The following WIPF1 variants were observed in gnomAD, a reference collection of about 807,000 sequenced individuals.
The protein encoded by WIPF1 is WAS/WASL interacting protein family member 1, also known as WAS/WASL-interacting protein family member 1.
A neutral mutation model predicts 35.4 loss-of-function variants in WIPF1; 13 were observed. The observed-to-expected ratio is 0.37, with a 90% confidence interval of 0.24 to 0.58. WIPF1 has a LOEUF of 0.58. Among genes scored for constraint, WIPF1 ranks in the 20% least tolerant of loss-of-function variants. WIPF1 has a pLI of 0.74. For missense variants in WIPF1, 591 were observed against 667.0 expected (o/e 0.89, Z 1.25); for synonymous variants, 267 against 266.3 (o/e 1.00, Z -0.02).
At chr2:174,569,689 T>C (rs1183943264) in intron 5 of WIPF1, among the ~76,000 whole-genome samples, 1 of 152,190 alleles carries the variant, frequency 6.6e-6, no homozygotes, top group East Asian at 1.9e-4. Flanking sequence ...GGAAATAAGA[T>C]AACCACTATA....
intron 1 of WIPF1, among the ~76,000 whole-genome samples, chr2:174,646,276 C>T (rs1687407841): frequency 6.6e-6 from 1 of 152,156 alleles, no homozygotes; most frequent in Non-Finnish European, 1.5e-5. Flanking sequence ...GCATCCCTCT[C>T]CTCCATATTT....
chr2:174,664,160 G>C (rs1403326995), intron 1 of WIPF1, among the ~76,000 whole-genome samples: 2 of 152,134 alleles, frequency 1.3e-5, no homozygotes, highest in Non-Finnish European at 1.5e-5. Flanking sequence ...CACACCCCAA[G>C]TGCTTGAATG....
At chr2:174,624,423 A>C (rs1686766732) in intron 1 of WIPF1, among the ~76,000 whole-genome samples, 1 of 152,178 alleles carries the variant, frequency 6.6e-6, no homozygotes, top group African/African-American at 2.4e-5. Context: ...TCTTCTCGCT[A>C]GTGAAAAACA....
intron 1 of WIPF1, among the ~76,000 whole-genome samples, chr2:174,661,760 G>A (rs1687764613): frequency 6.6e-6 from 1 of 152,138 alleles, no homozygotes; most frequent in Non-Finnish European, 1.5e-5. Flanking sequence ...ATAAATGTTT[G>A]TTGAATGAAT....
At chr2:174,624,335 T>C (rs1686763475) in intron 1 of WIPF1, among the ~76,000 whole-genome samples, 1 of 152,182 alleles carries the variant, frequency 6.6e-6, no homozygotes, top group Non-Finnish European at 1.5e-5. Context: ...TCTGAAAACA[T>C]TAATCAAAGT....
chr2:174,581,471 C>A (rs1453544156), intron 2 of WIPF1, 32 bp from the exon 3 acceptor site: 2 of 1,608,442 alleles, frequency 1.2e-6, no homozygotes, highest in East Asian at 4.5e-5. Flanking sequence ...AAGTAGTCAT[C>A]TCTTGGGTTA....
chr2:174,566,979 C>G lies in WIPF1; in HGVS notation c.1456+91G>C, dbSNP rs2163236. ...GCTCCAAAGGGTTCTCTACCCCACT[C>G]CAGGCAAGAAGCCTGGACTTTCTAT... On this transcript the variant is annotated intron_variant, in intron 7 of 7. Transcript: ENST00000679041. 0.52 allele frequency: 664,307 copies of G among 1,281,682 alleles called. 177,513 individuals carry two copies. Among genetic ancestry groups the G allele is most frequent in the East Asian group, 0.86 (36,048 of 42,084 alleles). 79.4% of individuals were successfully genotyped at this position (1,281,682 alleles called of 1,614,324 possible).
chr2:174,614,432 G>A (rs1040420508), intron 1 of WIPF1, among the ~76,000 whole-genome samples: 1 of 152,126 alleles, frequency 6.6e-6, no homozygotes, highest in Non-Finnish European at 1.5e-5. Flanking sequence ...TAAACGTCTG[G>A]GAATGTTTTC....
At position 174,567,898 on chromosome 2, in the gene WIPF1, T is replaced by A; in HGVS notation, c.1305A>T (p.Thr435=). The part of the protein sequence containing the change: ...AGAPPPPPPS[T]SIRNGFQDSP... ...AGTCTTGGAAGCCATTTCTAATAGA[T>A]GTTGATGGTGGAGGTGGGGGAGGTG... The change falls in exon 6 of 8, where the codon ACA becomes ACT. Residue 435 remains threonine (T), a synonymous_variant. Coordinates refer to ENST00000679041, the MANE Select transcript of WIPF1 (RefSeq NM_001375834.1). The A allele has an allele frequency of 6.2e-7, 1 of 1,610,272 alleles. No homozygotes were observed. The highest frequency in any genetic ancestry group is 8.5e-7 in the Non-Finnish European group (1 of 1,177,972).
At chr2:174,616,548 T>C (rs1046858556) in intron 1 of WIPF1, among the ~76,000 whole-genome samples, 4 of 152,132 alleles carry the variant, frequency 2.6e-5, no homozygotes, top group African/African-American at 9.7e-5. Flanking sequence ...GGGAAGAGGA[T>C]ACCTAAAGCA....
chr2:174,624,777 G>A (rs188822055), intron 1 of WIPF1, among the ~76,000 whole-genome samples: 39 of 152,208 alleles, frequency 2.6e-4, no homozygotes, highest in Non-Finnish European at 4.3e-4. Flanking sequence ...ATGACAATTC[G>A]CCAACTGGTT....
intron 1 of WIPF1, among the ~76,000 whole-genome samples, chr2:174,678,303 C>T (rs1271844068): frequency 6.6e-6 from 1 of 152,132 alleles, no homozygotes; most frequent in Non-Finnish European, 1.5e-5. Context: ...TGTTACATAG[C>T]AACATATTCC....
At chr2:174,671,487 A>G (rs1051648904) in intron 1 of WIPF1, among the ~76,000 whole-genome samples, 1 of 152,194 alleles carries the variant, frequency 6.6e-6, no homozygotes, top group Non-Finnish European at 1.5e-5. Context: ...GATAACAGCA[A>G]TGTTCAGGGA....
chr2:174,641,044 A>G (rs191987669), intron 1 of WIPF1, among the ~76,000 whole-genome samples: 2 of 152,322 alleles, frequency 1.3e-5, no homozygotes, highest in African/African-American at 2.4e-5. Context: ...CTAGAATAAA[A>G]ACAGACACAT....
intron 4 of WIPF1, 33 bp from the exon 5 acceptor site, chr2:174,572,479 A>C: frequency 6.2e-7 from 1 of 1,613,328 alleles, no homozygotes; most frequent in South Asian, 1.1e-5. Flanking sequence ...TCAGTTAGGA[A>C]ATCAGGAACC....
Position 174,567,846 on chromosome 2 carries a change from G to T in WIPF1, c.1342+15C>A. 1 of 1,550,854 alleles carries T rather than the reference G, an allele frequency of 6.4e-7. No homozygotes were observed. Among genetic ancestry groups the T allele is most frequent in the South Asian group, 1.2e-5 (1 of 81,596 alleles). On this transcript the variant is annotated intron_variant, in intron 6 of 7. Coordinates refer to ENST00000679041, the MANE Select transcript of WIPF1 (RefSeq NM_001375834.1). The stretch of plus-strand genomic sequence containing the variant: ...TTGCTGCCCTATAGCCCAGGGAGCT[G>T]GGACCACACCTCACCTTCACATGGA...
At chr2:174,649,395 CA>C (rs1687485629) in intron 1 of WIPF1, among the ~76,000 whole-genome samples, 1 of 152,140 alleles carries the variant, frequency 6.6e-6, no homozygotes, top group Non-Finnish European at 1.5e-5. Context: ...TTTTGATATG[CA>C]AACTAATCAA....
At chr2:174,602,476 G>A (rs934419827), upstream of WIPF1, among the ~76,000 whole-genome samples, 2 of 152,280 alleles carry the variant, frequency 1.3e-5, no homozygotes, top group East Asian at 3.9e-4. Flanking sequence ...ACTGCATCCC[G>A]CAGTTCTAAA....
At chr2:174,565,188 C>G (rs1342414356) in intron 7 of WIPF1, among the ~76,000 whole-genome samples, 1 of 152,132 alleles carries the variant, frequency 6.6e-6, no homozygotes, top group Non-Finnish European at 1.5e-5. Context: ...AGCCACCGTG[C>G]CTGGCCTTCA....
Sources: gnomAD v4.1 joint callset for allele counts (sites outside exome capture counted in the v4.1 genomes callset) on GRCh38, gnomAD v4.1.1 for gene constraint, MANE v1.5 for transcripts, NCBI Gene and HGNC (gene_info 2026-07-23, HGNC 2026-07-21) for gene names.